Variants in SLC4A8 observed in about 807,000 individuals in gnomAD.
SLC4A8 encodes the protein solute carrier family 4 member 8.
In SLC4A8, 40 loss-of-function variants were observed where a neutral mutation model predicts 125.0. The ratio of observed to expected loss-of-function variants is 0.32; its 90% confidence interval spans 0.25 to 0.42. SLC4A8 has a LOEUF of 0.42. SLC4A8 is among the 10% of genes least tolerant of loss of function. SLC4A8 has a pLI of 1.00. For missense variants in SLC4A8, 863 were observed against 1,355.1 expected, an observed-to-expected ratio of 0.64 and a Z score of 5.70; for synonymous variants, 456 against 476.0, an observed-to-expected ratio of 0.96 and a Z score of 0.55.
At chr12:51,406,983 C>T (rs1948500719) in intron 1 of SLC4A8, among the ~76,000 whole-genome samples, 1 of 152,174 alleles carries the variant, frequency 6.6e-6, no homozygotes, top group Non-Finnish European at 1.5e-5. Context: ...ATTTGGGCTG[C>T]TATAACAAAA....
intron 23 of SLC4A8, 72 bp downstream of exon 23, chr12:51,504,192 G>A (rs1268449151): frequency 1.1e-6 from 1 of 884,624 alleles, no homozygotes; most frequent in African/African-American, 1.7e-5. Context: ...TGGTGGTGGT[G>A]GTGTCACAAG....
chr12:51,476,962 C>T (rs1244704846), intron 16 of SLC4A8, among the ~76,000 whole-genome samples: 6 of 140,012 alleles, frequency 4.3e-5, no homozygotes, highest in African/African-American at 8.1e-5. Context: ...GGCTGGAGTG[C>T]GATGGTACAA....
chr12:51,488,657 A>T (rs1486098430), intron 17 of SLC4A8, 42 bp from the exon 18 acceptor site: 4 of 1,528,872 alleles, frequency 2.6e-6, no homozygotes, highest in Non-Finnish European at 3.6e-6. Context: ...TACCCCAATG[A>T]CTATAACTTA....
chr12:51,461,332 T>C (rs987193197), intron 9 of SLC4A8, 41 bp downstream of exon 9: 4 of 1,121,804 alleles, frequency 3.6e-6, no homozygotes, highest in Non-Finnish European at 5.5e-6. Context: ...CTCATAAATA[T>C]TTATTGAATA....
chr12:51,407,803 G>T (rs1482393736), intron 1 of SLC4A8: 3 of 152,278 alleles, frequency 2.0e-5, no homozygotes, highest in Non-Finnish European at 4.4e-5. Context: ...CGTTCCCTAG[G>T]GCTGCTATAA....
At position 51,493,705 on chromosome 12, in the gene SLC4A8, T is replaced by A. The variant is rs1354410857; in HGVS notation, c.2702T>A (p.Phe901Tyr). Residue 901 changes from phenylalanine (F) to tyrosine (Y), a missense_variant and splice_region_variant, in exon 20 of 25, where the codon TTT (phenylalanine) becomes TAT (tyrosine). Around this residue, in one of 6 missense-constraint regions of SLC4A8, gnomAD observed 197 missense variants for 377.7 expected, o/e 0.52. Transcript: ENST00000453097. The part of the protein sequence containing the change: ...CSVFMTAILK[F>Y]IPMPVLYGVF... ...CCTTTCTTGTCCTTTTGTCTTCAGT[T>A]TATTCCAATGCCAGTACTCTACGGA... 2 of 1,603,742 alleles carry A rather than the reference T, an allele frequency of 1.2e-6. No individual in the cohort carries two copies. Among genetic ancestry groups the A allele is most frequent in the African/African-American group, 2.7e-5 (2 of 74,704 alleles).
intron 1 of SLC4A8, among the ~76,000 whole-genome samples, chr12:51,395,579 C>T (rs1028039965): frequency 2.0e-5 from 3 of 152,142 alleles, no homozygotes; most frequent in Non-Finnish European, 4.4e-5. Context: ...AGGGGATACC[C>T]ACCTCTGGTG....
chr12:51,466,533 A>G (rs1172165828), intron 11 of SLC4A8: 1 of 123,908 alleles, frequency 8.1e-6, no homozygotes, highest in African/African-American at 2.8e-5. Context: ...TCTTGCATCA[A>G]ACTTAAATTA....
chr12:51,478,796 C>T (rs1950934605), intron 16 of SLC4A8, among the ~76,000 whole-genome samples: 1 of 152,190 alleles, frequency 6.6e-6, no homozygotes, highest in Non-Finnish European at 1.5e-5. Context: ...GAATTGTGAA[C>T]AATCAGGATT....
intron 1 of SLC4A8, among the ~76,000 whole-genome samples, chr12:51,416,152 A>T (rs561236296): frequency 1.4e-5 from 2 of 146,942 alleles, no homozygotes; most frequent in Non-Finnish European, 3.0e-5. Context: ...TTAGGACTAG[A>T]GCTGTCCTAA....
chr12:51,395,214 G>C (rs1009881488), intron 1 of SLC4A8, among the ~76,000 whole-genome samples: 6 of 152,064 alleles, frequency 3.9e-5, no homozygotes, highest in African/African-American at 1.2e-4. Flanking sequence ...AGAAACCTTG[G>C]GTCCAAGGTC....
At chr12:51,501,652 T>G (rs1937890995) in intron 22 of SLC4A8, among the ~76,000 whole-genome samples, 1 of 152,238 alleles carries the variant, frequency 6.6e-6, no homozygotes, top group South Asian at 2.1e-4. Context: ...AACAATTTAT[T>G]TTCCTTTGGG....
At chr12:51,437,102 A>G (rs1320784730) in intron 1 of SLC4A8, among the ~76,000 whole-genome samples, 1 of 152,256 alleles carries the variant, frequency 6.6e-6, no homozygotes, top group Non-Finnish European at 1.5e-5. Context: ...AATTTAATAC[A>G]TAAAAATCCT....
intron 21 of SLC4A8, among the ~76,000 whole-genome samples, chr12:51,495,524 G>A (rs1951440420): frequency 7.7e-6 from 1 of 129,844 alleles, no homozygotes; most frequent in Non-Finnish European, 1.6e-5. Flanking sequence ...TACCCAGGCT[G>A]GAGTGCAATG....
chr12:51,487,341 T>TTGGTCTGAGAAC (rs1951187586), intron 17 of SLC4A8, among the ~76,000 whole-genome samples: 1 of 152,208 alleles, frequency 6.6e-6, no homozygotes, highest in African/African-American at 2.4e-5. Flanking sequence ...AGTTTTTGTG[T>TTGGTCTGAGAAC]TGGTCTGAGA....
chr12:51,471,725 A>C, intron 14 of SLC4A8, 193 bp downstream of exon 14: 1 of 611,266 alleles, frequency 1.6e-6, no homozygotes. Flanking sequence ...GACAGAGAAG[A>C]TCGACTAGAA....
intron 1 of SLC4A8, among the ~76,000 whole-genome samples, chr12:51,414,162 CTTTT>C (rs1344423234): frequency 7.2e-6 from 1 of 139,466 alleles, no homozygotes; most frequent in South Asian, 2.3e-4. Flanking sequence ...ATTCCTGGGT[CTTTT>C]TTTTTTTTGT....
chr12:51,495,470 CTTTTT>C (rs3028942), intron 21 of SLC4A8, among the ~76,000 whole-genome samples: 4 of 76,276 alleles, frequency 5.2e-5, no homozygotes, highest in African/African-American at 1.0e-4. Flanking sequence ...TTTCTTTCTT[CTTTTT>C]TTTTTTTTTT....
intron 22 of SLC4A8, among the ~76,000 whole-genome samples, chr12:51,499,120 G>A (rs1278171170): frequency 1.3e-5 from 2 of 152,202 alleles, no homozygotes; most frequent in Middle Eastern, 3.4e-3. Context: ...GGCAGAGGTT[G>A]TAGTGAGCTG....
Sources: allele counts gnomAD v4.1 joint callset (sites outside exome capture counted in the v4.1 genomes callset), GRCh38; gene constraint gnomAD v4.1.1; regional missense constraint gnomAD v4.1.1; transcripts MANE v1.5; gene names NCBI Gene and HGNC (gene_info 2026-07-23, HGNC 2026-07-21).